The following IL20RB variants were observed in gnomAD, a reference collection of about 807,000 sequenced individuals.
IL20RB encodes the protein interleukin-20 receptor subunit beta.
Under a neutral mutation model 33.3 loss-of-function variants are expected in IL20RB, and 21 were observed. The observed-to-expected ratio is 0.63, with a 90% CI of 0.45 to 0.91. IL20RB has a LOEUF of 0.91. IL20RB is among the 40% of genes least tolerant of loss of function. The pLI is 0.00. For missense variants in IL20RB, 345 were observed against 384.8 expected, an observed-to-expected ratio of 0.90 and a Z score of 0.86; for synonymous variants, 147 against 146.8, an observed-to-expected ratio of 1.00 and a Z score of -0.01.
chr3:137,009,151 C>T lies in IL20RB; in HGVS notation c.826-962C>T, dbSNP rs1577037614. Among the ~76,000 whole-genome samples, 5 of 152,158 alleles carry T rather than the reference C, an allele frequency of 3.3e-5. 1 individual carries two copies. The South Asian group carries it at 1.0e-3, about 31-fold the overall frequency. ...GCAAACAAGGATGAAGGGAGACTGG[C>T]TCAATGAAGCTGATGTCTCCTGAGG... On this transcript the variant is annotated intron_variant, in intron 6 of 6. Transcript: ENST00000329582.
chr3:136,962,907 A>C (rs1226792725), intron 1 of IL20RB, among the ~76,000 whole-genome samples: 1 of 151,514 alleles, frequency 6.6e-6, no homozygotes, highest in East Asian at 1.9e-4. Context: ...AAAACTGATG[A>C]AATCTGATTA....
rs146391425 is a variant in IL20RB at position 136,990,190 on chromosome 3, C to T, written c.531+625C>T. Among the ~76,000 whole-genome samples, 32 of 152,026 alleles carry T rather than the reference C, an allele frequency of 2.1e-4. No individual in the cohort carries two copies. In the East Asian group the frequency reaches 6.1e-3, roughly 29 times the overall value. The stretch of plus-strand genomic sequence containing the variant: ...CAGCAGCAGTATGAGGAGTGGAGCA[C>T]GATCAGGAACTAGGGGACACTCAGA... On this transcript the variant is annotated intron_variant, in intron 4 of 6. Coordinates refer to ENST00000329582, the MANE Select transcript of IL20RB (RefSeq NM_144717.4).
At chr3:137,004,478 C>T (rs1440995678) in intron 6 of IL20RB, among the ~76,000 whole-genome samples, 1 of 152,158 alleles carries the variant, frequency 6.6e-6, no homozygotes, top group Non-Finnish European at 1.5e-5. Flanking sequence ...TCAACTTCTT[C>T]CTGGTTTAGT....
chr3:136,959,916 C>T (rs1464545286), intron 1 of IL20RB, among the ~76,000 whole-genome samples: 2 of 152,084 alleles, frequency 1.3e-5, no homozygotes, highest in East Asian at 1.9e-4. Flanking sequence ...CAAACAAAAG[C>T]GCTTTGAAGA....
At chr3:137,004,237 T>G (rs2107722423) in intron 6 of IL20RB, among the ~76,000 whole-genome samples, 1 of 152,334 alleles carries the variant, frequency 6.6e-6, no homozygotes, top group South Asian at 2.1e-4. Flanking sequence ...TTTGTGTGTA[T>G]GTCTCTGCCA....
chr3:136,993,723 T>G (rs957195279), intron 5 of IL20RB, among the ~76,000 whole-genome samples: 1 of 151,986 alleles, frequency 6.6e-6, no homozygotes, highest in African/African-American at 2.4e-5. Flanking sequence ...TCTCCCTCAT[T>G]TTTAAAGAGC....
At chr3:136,969,716 G>A (rs909055881) in intron 1 of IL20RB, among the ~76,000 whole-genome samples, 4 of 152,212 alleles carry the variant, frequency 2.6e-5, no homozygotes, top group South Asian at 2.1e-4. Flanking sequence ...GTTCCTATTC[G>A]GCCATCTTGG....
intron 4 of IL20RB, among the ~76,000 whole-genome samples, chr3:136,990,338 A>G (rs1034585058): frequency 2.6e-5 from 4 of 152,172 alleles, no homozygotes; most frequent in Admixed American, 6.5e-5. Flanking sequence ...TCACAGATCT[A>G]TAAACAGCTG....
At chr3:136,977,894 GCA>G (rs1941665517) in intron 1 of IL20RB, among the ~76,000 whole-genome samples, 1 of 152,054 alleles carries the variant, frequency 6.6e-6, no homozygotes, top group Non-Finnish European at 1.5e-5. Context: ...CATGTCATTT[GCA>G]TATAGGGCAA....
intron 3 of IL20RB, among the ~76,000 whole-genome samples, chr3:136,987,352 C>T (rs1941927953): frequency 6.6e-6 from 1 of 152,152 alleles, no homozygotes. Flanking sequence ...TAGCTAGATA[C>T]AGAGTGTCGA....
chr3:136,967,364 A>G (rs1941380276), intron 1 of IL20RB, among the ~76,000 whole-genome samples: 1 of 66,750 alleles, frequency 1.5e-5, no homozygotes. Flanking sequence ...GACTTGCTTT[A>G]TGAATCTGGG....
intron 6 of IL20RB, among the ~76,000 whole-genome samples, chr3:137,007,454 C>A (rs2107726248): frequency 6.6e-6 from 1 of 152,334 alleles, no homozygotes; most frequent in Middle Eastern, 3.4e-3. Context: ...CAAGTTCGAG[C>A]TTCCTGGCTG....
intron 1 of IL20RB, among the ~76,000 whole-genome samples, chr3:136,971,329 C>T (rs1941478833): frequency 6.6e-6 from 1 of 152,174 alleles, no homozygotes; most frequent in South Asian, 2.1e-4. Flanking sequence ...TGGGATTTCA[C>T]CATGTTGGCC....
intron 1 of IL20RB, among the ~76,000 whole-genome samples, chr3:136,974,825 G>T (rs964692828): frequency 6.6e-6 from 1 of 152,048 alleles, no homozygotes; most frequent in Non-Finnish European, 1.5e-5. Flanking sequence ...AAAAACTTTT[G>T]ACTGGATTAT....
At chr3:136,962,960 C>G (rs1346707112) in intron 1 of IL20RB, among the ~76,000 whole-genome samples, 2 of 149,678 alleles carry the variant, frequency 1.3e-5, no homozygotes, top group Non-Finnish European at 3.0e-5. Context: ...ATATTAATAT[C>G]TTAATTTTTT....
In IL20RB at chr3:136,980,453, G is replaced by C. The variant is rs1307028555; in HGVS notation, c.89-13G>C. 1.9e-6 allele frequency: 3 copies of C among 1,613,962 alleles called. No individual in the cohort carries two copies. Among genetic ancestry groups the C allele is most frequent in the African/African-American group, 2.7e-5 (2 of 74,886 alleles). On this transcript the variant is annotated splice_polypyrimidine_tract_variant and intron_variant, in intron 1 of 6. Coordinates refer to ENST00000329582, the MANE Select transcript of IL20RB (RefSeq NM_144717.4). ...AGCCCACCTGTCAGCCAGGCTATCT[G>C]CCTTGATCCTAGATGAAGTGGCCAT...
chr3:136,998,783 A>G (rs1942184431), intron 6 of IL20RB, among the ~76,000 whole-genome samples: 1 of 152,150 alleles, frequency 6.6e-6, no homozygotes, highest in Non-Finnish European at 1.5e-5. Context: ...TGGCCTCCCA[A>G]AGTGCTGGGA....
chr3:136,975,137 G>C (rs1477620577), intron 1 of IL20RB, among the ~76,000 whole-genome samples: 1 of 151,994 alleles, frequency 6.6e-6, no homozygotes, highest in Non-Finnish European at 1.5e-5. Flanking sequence ...AAGGTCTATT[G>C]CTGGAGAATT....
chr3:136,970,783 G>C (rs978635595), intron 1 of IL20RB, among the ~76,000 whole-genome samples: 5 of 151,892 alleles, frequency 3.3e-5, no homozygotes, highest in African/African-American at 1.2e-4. Context: ...CTCCCCAGTA[G>C]CTGGGACTAC....
Sources: allele counts gnomAD v4.1 joint callset (sites outside exome capture counted in the v4.1 genomes callset), GRCh38; gene constraint gnomAD v4.1.1; transcripts MANE v1.5; gene names NCBI Gene and HGNC (gene_info 2026-07-23, HGNC 2026-07-21).